Variants in CACNB2 observed in about 807,000 individuals in gnomAD.
CACNB2 encodes the protein voltage-dependent L-type calcium channel subunit beta-2.
Under a neutral mutation model 73.3 loss-of-function variants are expected in CACNB2, and 42 were observed. That is an observed-to-expected ratio of 0.57 (90% CI 0.45 to 0.74). The LOEUF is 0.74. Among genes scored for constraint, CACNB2 ranks in the 30% least tolerant of loss-of-function variants. The pLI, the probability that CACNB2 is intolerant of heterozygous loss-of-function variation, is 0.00. For synonymous variants in CACNB2, 348 were observed against 310.3 expected (o/e 1.12, Z -1.28); for missense variants, 940 against 853.0 (o/e 1.10, Z -1.27).
At chr10:18,260,623 C>G in intron 2 of CACNB2, 1 of 987,144 alleles carries the variant, frequency 1.0e-6, no homozygotes, top group Non-Finnish European at 1.2e-6. Flanking sequence ...TAGACTCAGT[C>G]ATTTTTCAGG....
intron 2 of CACNB2, among the ~76,000 whole-genome samples, chr10:18,163,640 G>A (rs570309773): frequency 1.3e-5 from 2 of 152,318 alleles, no homozygotes; most frequent in African/African-American, 4.8e-5. Context: ...AAGAAACAGA[G>A]GTGTTCAGTT....
chr10:18,424,354 A>C (rs190402465), intron 3 of CACNB2, among the ~76,000 whole-genome samples: 1 of 152,342 alleles, frequency 6.6e-6, no homozygotes, highest in African/African-American at 2.4e-5. Context: ...TTTCAATTGC[A>C]TGCAGATTAA....
chr10:18,182,267 G>A (rs932855406), intron 2 of CACNB2, among the ~76,000 whole-genome samples: 2 of 151,948 alleles, frequency 1.3e-5, no homozygotes, highest in Non-Finnish European at 2.9e-5. Flanking sequence ...TTTGAGACCA[G>A]TGAGCCGAGA....
intron 2 of CACNB2, among the ~76,000 whole-genome samples, chr10:18,322,344 C>T (rs1020503064): frequency 3.3e-5 from 5 of 152,094 alleles, no homozygotes; most frequent in Admixed American, 1.3e-4. Context: ...TGGATGAAAT[C>T]GCATGATTTG....
chr10:18,444,369 A>T (rs772606711), intron 3 of CACNB2, among the ~76,000 whole-genome samples: 1 of 152,088 alleles, frequency 6.6e-6, no homozygotes, highest in Non-Finnish European at 1.5e-5. Context: ...CACTTATTTC[A>T]CTGTGTGTCC....
At chr10:18,356,464 CCTTTA>C (rs1389070261) in intron 2 of CACNB2, among the ~76,000 whole-genome samples, 1 of 152,028 alleles carries the variant, frequency 6.6e-6, no homozygotes, top group Non-Finnish European at 1.5e-5. Flanking sequence ...TCCTCCCTGC[CCTTTA>C]CTTTGATCCT....
At chr10:18,161,310 A>G (rs2032439408) in intron 2 of CACNB2, among the ~76,000 whole-genome samples, 1 of 152,172 alleles carries the variant, frequency 6.6e-6, no homozygotes, top group Admixed American at 6.5e-5. Flanking sequence ...TTATATCCTT[A>G]GTATCTGTAG....
chr10:18,422,167 G>A (rs772394411), intron 3 of CACNB2, among the ~76,000 whole-genome samples: 1 of 152,206 alleles, frequency 6.6e-6, no homozygotes, highest in East Asian at 1.9e-4. Flanking sequence ...TGGTTTGGTC[G>A]CCTGCCTTAG....
chr10:18,259,305 C>T (rs2037419780), intron 2 of CACNB2, among the ~76,000 whole-genome samples: 1 of 152,032 alleles, frequency 6.6e-6, no homozygotes, highest in African/African-American at 2.4e-5. Context: ...GTGACTCACA[C>T]TTGTAATCCT....
At chr10:18,299,006 A>G (rs2039391039) in intron 2 of CACNB2, among the ~76,000 whole-genome samples, 1 of 151,306 alleles carries the variant, frequency 6.6e-6, no homozygotes. Flanking sequence ...AACATGGCAC[A>G]TGTATACACA....
At chr10:18,461,975 T>G (rs1437399599) in intron 3 of CACNB2, among the ~76,000 whole-genome samples, 1 of 152,066 alleles carries the variant, frequency 6.6e-6, no homozygotes, top group East Asian at 1.9e-4. Flanking sequence ...TTTTTCCATG[T>G]TGGTTGTTCA....
At chr10:18,354,928 A>G (rs2041850126) in intron 2 of CACNB2, among the ~76,000 whole-genome samples, 1 of 118,274 alleles carries the variant, frequency 8.5e-6, no homozygotes, top group Admixed American at 8.9e-5. Flanking sequence ...AAACTTTTTG[A>G]GTACTTACGT....
At chr10:18,479,846 G>GTC (rs1454541947) in intron 3 of CACNB2, among the ~76,000 whole-genome samples, 6 of 152,152 alleles carry the variant, frequency 3.9e-5, no homozygotes, top group African/African-American at 1.4e-4. Context: ...AAATTGCCCA[G>GTC]TCTCAGGTAG....
At chr10:18,397,430 A>G (rs934103593) in intron 2 of CACNB2, among the ~76,000 whole-genome samples, 3 of 152,178 alleles carry the variant, frequency 2.0e-5, no homozygotes, top group Non-Finnish European at 4.4e-5. Context: ...GAGCCACTGC[A>G]CTCTAGCCTG....
At chr10:18,174,138 T>C (rs1245606963) in intron 2 of CACNB2, among the ~76,000 whole-genome samples, 1 of 152,126 alleles carries the variant, frequency 6.6e-6, no homozygotes, top group East Asian at 1.9e-4. Context: ...AAGTGAAAAC[T>C]TAGCACCTTT....
At chr10:18,464,950 C>A (rs1045663978) in intron 3 of CACNB2, among the ~76,000 whole-genome samples, 1 of 152,182 alleles carries the variant, frequency 6.6e-6, no homozygotes, top group African/African-American at 2.4e-5. Flanking sequence ...GATGGGAAGG[C>A]CAGGCTTTGA....
chr10:18,315,622 G>A (rs1454095865), intron 2 of CACNB2, among the ~76,000 whole-genome samples: 2 of 149,602 alleles, frequency 1.3e-5, no homozygotes, highest in African/African-American at 2.5e-5. Context: ...TGAGCACAGA[G>A]GTTCAAGGCT....
intron 2 of CACNB2, among the ~76,000 whole-genome samples, chr10:18,373,044 G>A (rs1030445335): frequency 6.6e-6 from 1 of 151,908 alleles, no homozygotes; most frequent in Non-Finnish European, 1.5e-5. Context: ...TGAAACTCGT[G>A]GCCTCAAGCG....
In CACNB2 at chr10:18,238,335, G is replaced by C. The variant is rs1482761359; in HGVS notation, c.213+87360G>C. On this transcript the variant is annotated intron_variant, in intron 2 of 13. Coordinates refer to ENST00000324631, the MANE Select transcript of CACNB2 (RefSeq NM_201596.3). ...AGCTTTTGATAGCAAGTATTCCAAG[G>C]TTGCCTTACTCGCGTGCCCTGATTC... 7.2e-5 allele frequency: 11 copies of C among 152,220 alleles called. No individual in the cohort carries two copies. In the East Asian group the frequency reaches 1.9e-3, roughly 27 times the overall value. The allele number at this position is 152,220 out of a possible 1,614,324, so 9.4% of individuals were successfully genotyped here. A position where few individuals can be genotyped will look rare whatever the true frequency, so the allele number is the denominator to read the frequency against.
Sources: gnomAD v4.1 joint callset for allele counts (sites outside exome capture counted in the v4.1 genomes callset) on GRCh38, gnomAD v4.1.1 for gene constraint, MANE v1.5 for transcripts, NCBI Gene and HGNC (gene_info 2026-07-23, HGNC 2026-07-21) for gene names.